The following RAD51B variants were observed in gnomAD, a reference collection of about 807,000 sequenced individuals.
The protein encoded by RAD51B is RAD51 paralog B.
Under a neutral mutation model 42.2 loss-of-function variants are expected in RAD51B, and 38 were observed. The observed-to-expected ratio is 0.90, with a 90% CI of 0.70 to 1.18. The LOEUF is 1.18. Ranked by LOEUF, RAD51B falls within the 50% of genes most tolerant of loss-of-function variation. The probability of loss-of-function intolerance (pLI) is 0.00; values close to 1 mark genes in which losing one functional copy is unlikely to be tolerated. For synonymous variants in RAD51B, 154 were observed against 145.2 expected, an observed-to-expected ratio of 1.06 and a Z score of -0.43; for missense variants, 373 against 400.7, an observed-to-expected ratio of 0.93 and a Z score of 0.59.
At chr14:68,628,134 T>C (rs145157255) in intron 10 of RAD51B, among the ~76,000 whole-genome samples, 152 of 152,378 alleles carry the variant, frequency 1.0e-3, no homozygotes, top group Non-Finnish European at 1.6e-3. Context: ...GTCTTGGTTT[T>C]TACATGACCC....
chr14:68,296,859 C>T (rs868616209), intron 8 of RAD51B, among the ~76,000 whole-genome samples: 10 of 152,148 alleles, frequency 6.6e-5, no homozygotes, highest in African/African-American at 1.9e-4. Flanking sequence ...TACTTGTTTT[C>T]CGATAGACCA....
At chr14:67,864,888 T>A in intron 4 of RAD51B, 115 bp from the exon 5 acceptor site, 2 of 1,401,528 alleles carry the variant, frequency 1.4e-6, no homozygotes, top group Non-Finnish European at 1.9e-6. Context: ...GAACCCAGGT[T>A]AGTTGGACTG....
chr14:68,113,498 A>G (rs2077491674), intron 7 of RAD51B, among the ~76,000 whole-genome samples: 1 of 152,152 alleles, frequency 6.6e-6, no homozygotes, highest in African/African-American at 2.4e-5. Flanking sequence ...AGGTTCCCTC[A>G]TACCAGGCAT....
chr14:67,837,055 G>C (rs1270881050), intron 4 of RAD51B, among the ~76,000 whole-genome samples: 6 of 152,052 alleles, frequency 3.9e-5, no homozygotes, highest in Non-Finnish European at 5.9e-5. Context: ...TCTTCCAAGA[G>C]AGATTTAAAG....
At chr14:68,270,218 A>G (rs998178023) in intron 7 of RAD51B, among the ~76,000 whole-genome samples, 1 of 152,218 alleles carries the variant, frequency 6.6e-6, no homozygotes, top group Non-Finnish European at 1.5e-5. Context: ...ATATGTTGCT[A>G]TATCCTCAGA....
chr14:68,245,283 A>G (rs1425068863), intron 7 of RAD51B, among the ~76,000 whole-genome samples: 1 of 152,242 alleles, frequency 6.6e-6, no homozygotes, highest in African/African-American at 2.4e-5. Context: ...GGGGAACTGC[A>G]GCTGCTGCTA....
intron 7 of RAD51B, among the ~76,000 whole-genome samples, chr14:67,901,658 A>G (rs915978488): frequency 2.8e-4 from 42 of 152,234 alleles, no homozygotes; most frequent in African/African-American, 9.4e-4. Flanking sequence ...ACAGTAACAA[A>G]GATATGGAAT....
chr14:67,830,234 A>T (rs986980088), intron 3 of RAD51B, among the ~76,000 whole-genome samples: 1 of 152,074 alleles, frequency 6.6e-6, no homozygotes, highest in African/African-American at 2.4e-5. Flanking sequence ...TATGTGTTTT[A>T]AAAAAAATCA....
chr14:68,055,997 G>T (rs1430799885), intron 7 of RAD51B, among the ~76,000 whole-genome samples: 1 of 152,126 alleles, frequency 6.6e-6, no homozygotes. Context: ...TAGAAGAAAT[G>T]ACTTTTTTAG....
chr14:68,038,049 A>G (rs769746225), intron 7 of RAD51B, among the ~76,000 whole-genome samples: 1 of 152,258 alleles, frequency 6.6e-6, no homozygotes, highest in Non-Finnish European at 1.5e-5. Context: ...AACCAGGGCA[A>G]TGCAGACCAG....
chr14:68,191,223 G>C (rs1460737375), intron 7 of RAD51B, among the ~76,000 whole-genome samples: 4 of 152,206 alleles, frequency 2.6e-5, no homozygotes, highest in African/African-American at 7.2e-5. Context: ...TCTGTTGCAG[G>C]GTTAACATAT....
intron 8 of RAD51B, among the ~76,000 whole-genome samples, chr14:68,319,907 C>T (rs544372638): frequency 6.6e-6 from 1 of 152,232 alleles, no homozygotes; most frequent in South Asian, 2.1e-4. Context: ...CTTCTAACAA[C>T]CCTATGAGAC....
intron 8 of RAD51B, among the ~76,000 whole-genome samples, chr14:68,357,565 C>T (rs1363197649): frequency 6.6e-6 from 1 of 152,042 alleles, no homozygotes; most frequent in Non-Finnish European, 1.5e-5. Context: ...CTATCTATGG[C>T]AGCTATAGCC....
At chr14:68,040,155 A>G (rs2076196233) in intron 7 of RAD51B, among the ~76,000 whole-genome samples, 2 of 152,234 alleles carry the variant, frequency 1.3e-5, no homozygotes, top group South Asian at 4.1e-4. Flanking sequence ...TCATTTGATT[A>G]AAGTATAGCT....
chr14:68,166,528 T>C (rs2078757590), intron 7 of RAD51B, among the ~76,000 whole-genome samples: 1 of 152,192 alleles, frequency 6.6e-6, no homozygotes, highest in Admixed American at 6.5e-5. Context: ...AATTAAATAT[T>C]TTTAGCTGTG....
chr14:67,889,524 A>C (rs1855308240), intron 7 of RAD51B, among the ~76,000 whole-genome samples: 2 of 148,228 alleles, frequency 1.3e-5, no homozygotes. Context: ...AATATATAAA[A>C]ATAAAAAATA....
intron 9 of RAD51B, among the ~76,000 whole-genome samples, chr14:68,458,188 A>G (rs10148720): frequency 0.21 from 32,099 of 152,088 alleles, 3,973 homozygotes; most frequent in East Asian, 0.52. Context: ...GTTTTTTGAG[A>G]CAGGGCCTTG....
chr14:68,155,924 A>C (rs929927641), intron 7 of RAD51B, among the ~76,000 whole-genome samples: 2 of 152,236 alleles, frequency 1.3e-5, no homozygotes, highest in African/African-American at 2.4e-5. Flanking sequence ...CGTGGTGTTC[A>C]TCTGCCCAGT....
intron 9 of RAD51B, among the ~76,000 whole-genome samples, chr14:68,432,403 T>C (rs1206924444): frequency 6.6e-6 from 1 of 152,228 alleles, no homozygotes; most frequent in Non-Finnish European, 1.5e-5. Flanking sequence ...TTTGTAGTTC[T>C]CTAAGGACTC....
Sources: gnomAD v4.1 joint callset for allele counts (sites outside exome capture counted in the v4.1 genomes callset) on GRCh38, gnomAD v4.1.1 for gene constraint, MANE v1.5 for transcripts, NCBI Gene and HGNC (gene_info 2026-07-23, HGNC 2026-07-21) for gene names.